Variants in FAM178B observed in about 807,000 individuals in gnomAD.
FAM178B encodes protein FAM178B.
Under a neutral mutation model 91.7 loss-of-function variants are expected in FAM178B, and 82 were observed. The observed-to-expected ratio is 0.89, with a 90% CI of 0.75 to 1.07. The LOEUF (loss-of-function observed/expected upper bound fraction) is 1.07. Ranked by LOEUF, FAM178B falls within the 50% of genes least tolerant of loss-of-function variation. The probability of loss-of-function intolerance (pLI) is 0.00; values close to 1 mark genes in which losing one functional copy is unlikely to be tolerated. For synonymous variants in FAM178B, 368 were observed against 359.4 expected, an observed-to-expected ratio of 1.02 and a Z score of -0.27; for missense variants, 769 against 846.7, an observed-to-expected ratio of 0.91 and a Z score of 1.14.
chr2:96,898,281 G>T, intron 13 of FAM178B: 1 of 241,112 alleles, frequency 4.1e-6, no homozygotes, highest in Non-Finnish European at 6.7e-6. Context: ...AGTGGCGGGT[G>T]TGGTCCAGGA....
chr2:96,967,911 CTTTTTTTTTTTTTTTTT>C, intron 4 of FAM178B, among the ~76,000 whole-genome samples: 1 of 62,418 alleles, frequency 1.6e-5, no homozygotes, highest in East Asian at 4.6e-4. Flanking sequence ...CCTGTTTGGT[CTTTTTTTTTTTTTTTTT>C]TTTTTTTTTT....
intron 8 of FAM178B, among the ~76,000 whole-genome samples, chr2:96,943,152 T>C (rs146800420): frequency 6.6e-6 from 1 of 152,330 alleles, no homozygotes; most frequent in Admixed American, 6.5e-5. Context: ...TTCACCAAAA[T>C]TTTAAAATTT....
chr2:96,922,442 C>G (rs984009609), intron 10 of FAM178B, among the ~76,000 whole-genome samples: 6 of 152,178 alleles, frequency 3.9e-5, no homozygotes, highest in Non-Finnish European at 1.5e-5. Context: ...CTCCGCCTCC[C>G]GGGTTCCAGC....
rs181906122 is a variant in FAM178B at position 96,981,312 on chromosome 2, C to T, written c.73+4929G>A. On this transcript the variant is annotated intron_variant, in intron 1 of 16. Transcript: ENST00000490605. ...AATGGGTAATACGTTGACTTCGTAA[C>T]GAGGTCTCAGGGTGGCACATCTCAC... Among the ~76,000 whole-genome samples, 31 of 152,236 alleles carry T rather than the reference C, an allele frequency of 2.0e-4. No homozygotes were observed. The East Asian group carries it at 3.7e-3, about 18-fold the overall frequency.
At chr2:96,908,538 AAACC>A (rs1029458699) in intron 12 of FAM178B, among the ~76,000 whole-genome samples, 3 of 152,114 alleles carry the variant, frequency 2.0e-5, no homozygotes, top group Non-Finnish European at 2.9e-5. Flanking sequence ...CATCTCTCAA[AAACC>A]AACCAACCAA....
chr2:96,986,577 G>A lies in FAM178B; in HGVS notation c.-264C>T. On this transcript the variant is annotated 5_prime_UTR_variant, in exon 1 of 17. Coordinates refer to ENST00000490605, the MANE Select transcript of FAM178B (RefSeq NM_001122646.3). ...GCCAGCTGGGGAGCTCGCCGGCCAA[G>A]TGCGCACCCTCTTCCTGTTAGCCCT... The A allele has an allele frequency of 4.2e-6, 2 of 481,680 alleles. No individual in the cohort carries two copies. Among genetic ancestry groups the A allele is most frequent in the South Asian group, 4.4e-5 (2 of 45,672 alleles). 29.8% of individuals were successfully genotyped at this position (481,680 alleles called of 1,614,324 possible). A position where few individuals can be genotyped will look rare whatever the true frequency, so the allele number is the denominator to read the frequency against.
intron 1 of FAM178B, 82 bp from the exon 2 acceptor site, chr2:96,972,688 G>A: frequency 2.2e-6 from 3 of 1,357,170 alleles, no homozygotes; most frequent in Non-Finnish European, 3.1e-6. Flanking sequence ...CACAGAGGAG[G>A]GCCTGGGCCC....
chr2:96,941,090 A>C (rs2081721413), intron 8 of FAM178B, among the ~76,000 whole-genome samples: 2 of 152,250 alleles, frequency 1.3e-5, no homozygotes, highest in Admixed American at 1.3e-4. Flanking sequence ...ACATATAAAC[A>C]TACAAATATA....
At chr2:96,981,828 A>G (rs1574331253) in intron 1 of FAM178B, among the ~76,000 whole-genome samples, 1 of 151,156 alleles carries the variant, frequency 6.6e-6, no homozygotes, top group Non-Finnish European at 1.5e-5. Flanking sequence ...GCACTTTGGG[A>G]GGCTGAGAAA....
chr2:96,947,127 A>G (rs573130995), intron 8 of FAM178B, among the ~76,000 whole-genome samples: 3 of 152,298 alleles, frequency 2.0e-5, no homozygotes, highest in South Asian at 4.1e-4. Context: ...AACTGGTTAC[A>G]TGATATTTTT....
chr2:96,930,243 A>AT (rs2081517527), intron 8 of FAM178B, among the ~76,000 whole-genome samples: 1 of 137,512 alleles, frequency 7.3e-6, no homozygotes, highest in African/African-American at 2.6e-5. Flanking sequence ...AAAAAAAAAA[A>AT]ATCTGACCAC....
At chr2:96,917,275 A>C (rs896637251) in intron 12 of FAM178B, among the ~76,000 whole-genome samples, 4 of 152,236 alleles carry the variant, frequency 2.6e-5, no homozygotes, top group Non-Finnish European at 1.5e-5. Context: ...AAATAAAATC[A>C]ATAACACTGA....
intron 12 of FAM178B, among the ~76,000 whole-genome samples, chr2:96,903,196 T>C (rs983598908): frequency 1.3e-5 from 2 of 152,192 alleles, no homozygotes; most frequent in Non-Finnish European, 2.9e-5. Context: ...CCCGCCACCA[T>C]GCACGGCTGA....
chr2:96,982,166 C>A (rs2153376553), intron 1 of FAM178B, among the ~76,000 whole-genome samples: 1 of 152,242 alleles, frequency 6.6e-6, no homozygotes, highest in Admixed American at 6.5e-5. Context: ...CACTTGGATC[C>A]ATAACCCACA....
At chr2:96,878,580 A>G in intron 14 of FAM178B, 87 bp from the exon 15 acceptor site, 1 of 1,250,864 alleles carries the variant, frequency 8.0e-7, no homozygotes, top group Non-Finnish European at 1.2e-6. Context: ...CCCCACTCTC[A>G]GGCTTGGCAG....
chr2:96,904,583 G>A (rs376110201), intron 12 of FAM178B, among the ~76,000 whole-genome samples: 267 of 143,874 alleles, frequency 1.9e-3, no homozygotes, highest in Non-Finnish European at 3.4e-3. Context: ...TAGCAGAGAC[G>A]GGGTTTCACC....
chr2:96,908,524 AC>A (rs998517468), intron 12 of FAM178B, among the ~76,000 whole-genome samples: 1 of 151,814 alleles, frequency 6.6e-6, no homozygotes, highest in South Asian at 2.1e-4. Flanking sequence ...ACATAGGGAG[AC>A]CCCATCTCTC....
chr2:96,960,358 G>A lies in FAM178B; in HGVS notation c.817C>T (p.His273Tyr), dbSNP rs2082062091. The A allele has an allele frequency of 6.4e-7, 1 of 1,551,832 alleles. No individual in the cohort carries two copies. The highest frequency in any genetic ancestry group is 8.7e-7 in the Non-Finnish European group (1 of 1,147,012). The part of the protein sequence containing the change: ...PGETVFLPRC[H>Y]PLPCILDSSL... ...GAGTCCAGGATGCATGGCAGGGGGT[G>A]ACACCTGGGCAGAAACACAGTCTCA... Residue 273 changes from histidine (H) to tyrosine (Y), a missense_variant, in exon 6 of 17, where the codon CAC becomes TAC. His to Tyr is a moderately conservative substitution (Grantham distance 83). Transcript: ENST00000490605.
At chr2:96,954,149 C>G (rs1189545999) in intron 6 of FAM178B, among the ~76,000 whole-genome samples, 1 of 152,208 alleles carries the variant, frequency 6.6e-6, no homozygotes, top group Non-Finnish European at 1.5e-5. Flanking sequence ...GACAGAGGGA[C>G]AGAGCCTCCA....
Sources: gnomAD v4.1 joint callset for allele counts (sites outside exome capture counted in the v4.1 genomes callset) on GRCh38, gnomAD v4.1.1 for gene constraint, MANE v1.5 for transcripts, NCBI Gene and HGNC (gene_info 2026-07-23, HGNC 2026-07-21) for gene names.